AGMO: variants seen among roughly 807,000 people sequenced by gnomAD.
AGMO encodes the protein alkylglycerol monooxygenase.
In AGMO, 75 loss-of-function variants were observed where a neutral mutation model predicts 60.2. That is an observed-to-expected ratio of 1.25 (90% CI 1.03 to 1.51). The LOEUF (loss-of-function observed/expected upper bound fraction) is 1.51. AGMO is among the 40% of genes most tolerant of loss of function. The pLI, the probability that AGMO is intolerant of heterozygous loss-of-function variation, is 0.00. For synonymous variants in AGMO, 261 were observed against 177.1 expected, an observed-to-expected ratio of 1.47 and a Z score of -3.76; for missense variants, 763 against 525.5, an observed-to-expected ratio of 1.45 and a Z score of -4.42.
intron 3 of AGMO, among the ~76,000 whole-genome samples, chr7:15,496,526 T>C (rs1486874745): frequency 7.0e-6 from 1 of 143,610 alleles, no homozygotes; most frequent in Non-Finnish European, 1.5e-5. Context: ...TCGTATTTGC[T>C]TGTGAGAATT....
chr7:15,242,343 A>G (rs1324833937), intron 12 of AGMO, among the ~76,000 whole-genome samples: 1 of 152,200 alleles, frequency 6.6e-6, no homozygotes, highest in African/African-American at 2.4e-5. Flanking sequence ...GATAGTGAGA[A>G]CTAAATTTAA....
chr7:15,199,445 TA>T (rs1291438803), downstream of AGMO, among the ~76,000 whole-genome samples: 1 of 152,200 alleles, frequency 6.6e-6, no homozygotes, highest in Non-Finnish European at 1.5e-5. Flanking sequence ...GCTAATCCTA[TA>T]AATTCACATA....
At chr7:15,227,904 T>C (rs1782138289) in intron 12 of AGMO, among the ~76,000 whole-genome samples, 1 of 152,090 alleles carries the variant, frequency 6.6e-6, no homozygotes, top group African/African-American at 2.4e-5. Context: ...AAAGCTTTTC[T>C]TTCCTCAAAA....
chr7:15,236,703 T>C (rs557815033), intron 12 of AGMO, among the ~76,000 whole-genome samples: 64 of 152,228 alleles, frequency 4.2e-4, no homozygotes, highest in Admixed American at 8.5e-4. Flanking sequence ...AAGATGCAGA[T>C]TAGGGTGACT....
intron 12 of AGMO, among the ~76,000 whole-genome samples, chr7:15,362,561 T>C (rs1782807524): frequency 6.6e-6 from 1 of 152,230 alleles, no homozygotes; most frequent in South Asian, 2.1e-4. Flanking sequence ...AATTAAATAC[T>C]GTTTTAACAT....
At chr7:15,453,478 A>T (rs1411678742) in intron 3 of AGMO, among the ~76,000 whole-genome samples, 1 of 152,208 alleles carries the variant, frequency 6.6e-6, no homozygotes, top group Admixed American at 6.5e-5. Context: ...GGCTGCAAAA[A>T]GTGCTGCCTT....
intron 12 of AGMO, among the ~76,000 whole-genome samples, chr7:15,273,429 G>C (rs1295036795): frequency 2.6e-5 from 4 of 152,012 alleles, no homozygotes; most frequent in African/African-American, 4.8e-5. Flanking sequence ...TCAAAGATCA[G>C]ATGGTTGTGT....
intron 12 of AGMO, among the ~76,000 whole-genome samples, chr7:15,223,515 A>G: frequency 6.6e-6 from 1 of 152,148 alleles, no homozygotes; most frequent in Middle Eastern, 3.4e-3. Context: ...AAGAAAATGT[A>G]AAGAACAGAC....
the AGMO span, among the ~76,000 whole-genome samples, chr7:15,168,431 T>A: frequency 6.6e-6 from 1 of 152,182 alleles, no homozygotes. Flanking sequence ...GGCCCTAAGC[T>A]CACAAATTTT....
At chr7:15,322,128 A>G (rs1781125131) in intron 12 of AGMO, among the ~76,000 whole-genome samples, 1 of 151,882 alleles carries the variant, frequency 6.6e-6, no homozygotes, top group Non-Finnish European at 1.5e-5. Flanking sequence ...CAACATAATG[A>G]GATCCCCATC....
At chr7:15,495,591 T>G (rs940968631) in intron 3 of AGMO, among the ~76,000 whole-genome samples, 3 of 152,226 alleles carry the variant, frequency 2.0e-5, no homozygotes, top group South Asian at 2.1e-4. Context: ...TCTCAGTTTT[T>G]CAGCACATTT....
chr7:15,353,083 T>C (rs1782318352), intron 12 of AGMO, among the ~76,000 whole-genome samples: 2 of 152,196 alleles, frequency 1.3e-5, no homozygotes, highest in African/African-American at 4.8e-5. Flanking sequence ...CAGGTGATTA[T>C]TTTTAAAAAG....
chr7:15,484,127 C>T (rs1782846618), intron 3 of AGMO, among the ~76,000 whole-genome samples: 1 of 152,022 alleles, frequency 6.6e-6, no homozygotes, highest in Non-Finnish European at 1.5e-5. Context: ...AAAATGATTG[C>T]ACCACTTTAT....
chr7:15,294,666 A>C (rs1407426375), intron 12 of AGMO, among the ~76,000 whole-genome samples: 2 of 151,944 alleles, frequency 1.3e-5, no homozygotes, highest in African/African-American at 4.8e-5. Context: ...TAAAGGTGTT[A>C]AGTGTTTACA....
At chr7:15,345,515 A>AAC (rs1282411413) in intron 12 of AGMO, among the ~76,000 whole-genome samples, 3 of 152,190 alleles carry the variant, frequency 2.0e-5, no homozygotes, top group African/African-American at 7.2e-5. Flanking sequence ...TGCTGTGCAT[A>AAC]ACATTGACAT....
chr7:15,199,633 T>A (rs10240834), downstream of AGMO, among the ~76,000 whole-genome samples: 2,314 of 152,220 alleles, frequency 0.015, 59 homozygotes, highest in African/African-American at 0.052. Flanking sequence ...TTGAGAATGT[T>A]TATGCCTTAA....
intron 5 of AGMO, among the ~76,000 whole-genome samples, chr7:15,406,938 C>CACAT: frequency 1.5e-5 from 2 of 136,924 alleles, no homozygotes; most frequent in African/African-American, 2.7e-5. Context: ...CGCGCACACA[C>CACAT]ACACACACAC....
intron 5 of AGMO, among the ~76,000 whole-genome samples, chr7:15,398,345 C>G (rs1167772690): frequency 6.6e-6 from 1 of 152,036 alleles, no homozygotes; most frequent in East Asian, 1.9e-4. Flanking sequence ...ACGGTGATAA[C>G]AATATTGAAA....
chr7:15,210,395 A>T (rs965540380), intron 12 of AGMO, among the ~76,000 whole-genome samples: 1 of 152,178 alleles, frequency 6.6e-6, no homozygotes. Flanking sequence ...GAAGATGTTG[A>T]TTTACTTTTT....
Sources: gnomAD v4.1 joint callset for allele counts (sites outside exome capture counted in the v4.1 genomes callset) on GRCh38, gnomAD v4.1.1 for gene constraint, MANE v1.5 for transcripts, NCBI Gene and HGNC (gene_info 2026-07-23, HGNC 2026-07-21) for gene names.